Variants in RRM2 observed in about 807,000 individuals in gnomAD.
The protein encoded by RRM2 is ribonucleotide reductase regulatory subunit M2, also known as ribonucleoside-diphosphate reductase subunit M2.
RRM2 carries 6 observed loss-of-function variants against 45.9 expected under a neutral mutation model. The observed-to-expected ratio is 0.13, with a 90% CI of 0.07 to 0.26. The LOEUF (loss-of-function observed/expected upper bound fraction) is 0.26, where lower values mean the gene tolerates loss of function less well. Ranked by LOEUF, RRM2 falls within the 10% of genes least tolerant of loss-of-function variation. The pLI is 1.00. For synonymous variants in RRM2, 177 were observed against 173.0 expected (o/e 1.02, Z -0.18); for missense variants, 343 against 489.5 (o/e 0.70, Z 2.82).
At position 10,158,144 on chromosome 2, in the gene RRM2, C is replaced by T. The variant is rs539483150; in HGVS notation, n.482+15769C>T. ...AGATGGGATGGCTACCTTGATTTTA[C>T]GGATGAAAAAAATAACAAGGCTCAG... On this transcript the variant is annotated intron_variant and non_coding_transcript_variant, in intron 3 of 3. Coordinates refer to the RRM2 transcript ENST00000381786. Among the ~76,000 whole-genome samples, 98 of 152,064 alleles carry T rather than the reference C, an allele frequency of 6.4e-4. 1 individual carries two copies. In the South Asian group the frequency reaches 0.018, roughly 28 times the overall value.
At chr2:10,191,255 G>A (rs1203650406) in intron 3 of RRM2, among the ~76,000 whole-genome samples, 1 of 152,194 alleles carries the variant, frequency 6.6e-6, no homozygotes, top group African/African-American at 2.4e-5. Flanking sequence ...AGACTCTTGG[G>A]GCAGCGTGGC....
chr2:10,156,661 G>T (rs933005026), intron 3 of RRM2, among the ~76,000 whole-genome samples: 1 of 152,200 alleles, frequency 6.6e-6, no homozygotes, highest in African/African-American at 2.4e-5. Context: ...CTGATTGATT[G>T]GGACAGGGTC....
rs531626495 is a variant in RRM2, at chr2:10,166,380, G to A, written n.482+24005G>A. On this transcript the variant is annotated intron_variant and non_coding_transcript_variant, in intron 3 of 3. Transcript: ENST00000381786. ...CTGCTCGCACCCCAGGTTCCTGGTGGCCGATGCGCTTAGGTCAGCCGACTG... is the reference window on the plus strand; with the variant it reads ...CTGCTCGCACCCCAGGTTCCTGGTGACCGATGCGCTTAGGTCAGCCGACTG... Among the ~76,000 whole-genome samples the A allele has an allele frequency of 2.5e-3, 386 of 152,316 alleles. 2 individuals carry two copies. Among genetic ancestry groups the A allele is most frequent in the African/African-American group, 8.9e-3 (369 of 41,580 alleles).
chr2:10,168,905 C>T (rs1663735998), intron 3 of RRM2, among the ~76,000 whole-genome samples: 3 of 151,644 alleles, frequency 2.0e-5, no homozygotes, highest in Admixed American at 2.0e-4. Context: ...AAATGCTCAA[C>T]ACACACCCGT....
At chr2:10,145,529 T>TA (rs1352405744) in intron 3 of RRM2, 1 of 152,252 alleles carries the variant, frequency 6.6e-6, no homozygotes, top group Non-Finnish European at 1.5e-5. Context: ...GATCTGCAGT[T>TA]AGAACAACAC....
chr2:10,182,751 C>T (rs1461994916), intron 3 of RRM2, among the ~76,000 whole-genome samples: 1 of 152,220 alleles, frequency 6.6e-6, no homozygotes, highest in Non-Finnish European at 1.5e-5. Flanking sequence ...CAAGTCGCTC[C>T]TCTCCCTCCC....
At chr2:10,191,702 C>T (rs1490192517) in intron 3 of RRM2, among the ~76,000 whole-genome samples, 1 of 152,096 alleles carries the variant, frequency 6.6e-6, no homozygotes, top group Non-Finnish European at 1.5e-5. Context: ...TCACCCAGCC[C>T]TCCTGACCAG....
At position 10,129,576 on chromosome 2, in the gene RRM2, A is replaced by G. The variant is rs577803252; in HGVS notation, c.*190A>G. The G allele has an allele frequency of 1.9e-5, 12 of 627,528 alleles. No homozygotes were observed. The South Asian group carries it at 2.2e-4, about 12-fold the overall frequency. The allele number at this position is 627,528 out of a possible 1,614,324, so 38.9% of individuals were successfully genotyped here. A position where few individuals can be genotyped will look rare whatever the true frequency, so the allele number is the denominator to read the frequency against. On this transcript the variant is annotated 3_prime_UTR_variant, in exon 10 of 10. Transcript: ENST00000304567. This position sits in a 1 kb window ranked among gnomAD's most constrained non-coding sequence, Gnocchi z 4.8. ...AGTGCTGGTAGTATCACCTTTTGCC[A>G]GAAGGCCTGGCTGGCTGTGACTTAC...
intron 3 of RRM2, among the ~76,000 whole-genome samples, chr2:10,144,365 AGATGTTCACAT>A (rs1663147113): frequency 6.6e-6 from 1 of 152,224 alleles, no homozygotes; most frequent in South Asian, 2.1e-4. Flanking sequence ...TGTGCTGTGC[AGATGTTCACAT>A]GATGTGGTGG....
chr2:10,177,536 C>T (rs1479255040), intron 3 of RRM2, among the ~76,000 whole-genome samples: 1 of 152,110 alleles, frequency 6.6e-6, no homozygotes, highest in Non-Finnish European at 1.5e-5. Context: ...ATCTCCCTAG[C>T]TTCCTTTGCA....
At chr2:10,203,718 T>G (rs1664611954) in intron 3 of RRM2, among the ~76,000 whole-genome samples, 1 of 152,048 alleles carries the variant, frequency 6.6e-6, no homozygotes, top group African/African-American at 2.4e-5. Flanking sequence ...GCCATCGCAC[T>G]CCAGCCTGGG....
intron 3 of RRM2, among the ~76,000 whole-genome samples, chr2:10,208,106 T>C (rs1205285701): frequency 1.3e-5 from 2 of 152,002 alleles, no homozygotes; most frequent in Admixed American, 6.6e-5. Flanking sequence ...AAAGAAGGAA[T>C]TGGGAATTGG....
chr2:10,150,816 G>GC (rs1279897251), intron 3 of RRM2, among the ~76,000 whole-genome samples: 3 of 96,822 alleles, frequency 3.1e-5, no homozygotes, highest in African/African-American at 7.9e-5. Context: ...ACTTAGCATA[G>GC]TTTTTTTTTC....
rs7573110 is a variant in RRM2, at chr2:10,164,769, C to G, written n.482+22394C>G. Reference sequence around the variant, plus strand: ...GGCCCTGCAGGAGGTGCCCCCGTCACTTACAAGCCAGGGCCCCCACTGCCC... The same window carrying G: ...GGCCCTGCAGGAGGTGCCCCCGTCAGTTACAAGCCAGGGCCCCCACTGCCC... On this transcript the variant is annotated intron_variant and non_coding_transcript_variant, in intron 3 of 3. Transcript: ENST00000381786. Among the ~76,000 whole-genome samples the G allele has an allele frequency of 7.5e-3, 1,139 of 152,294 alleles. 13 individuals are homozygous for G. The highest frequency in any genetic ancestry group is 0.026 in the African/African-American group (1,086 of 41,562).
intron 3 of RRM2, among the ~76,000 whole-genome samples, chr2:10,200,880 C>G (rs1664556189): frequency 6.6e-6 from 1 of 152,188 alleles, no homozygotes; most frequent in South Asian, 2.1e-4. Flanking sequence ...GGTGCCATGG[C>G]TCACACCTGT....
At chr2:10,203,177 A>G (rs900949644) in intron 3 of RRM2, among the ~76,000 whole-genome samples, 1 of 152,208 alleles carries the variant, frequency 6.6e-6, no homozygotes, top group Non-Finnish European at 1.5e-5. Context: ...ACCAGGAAGC[A>G]GCTGTTTTCG....
exon 4 of RRM2, chr2:10,210,603 A>C (rs756908925): frequency 7.3e-7 from 1 of 1,362,314 alleles, no homozygotes; most frequent in Non-Finnish European, 9.8e-7. Context: ...CATAGACAGC[A>C]GATCTGCTGC....
chr2:10,161,626 A>T (rs929095399), intron 3 of RRM2, among the ~76,000 whole-genome samples: 1 of 152,144 alleles, frequency 6.6e-6, no homozygotes, highest in African/African-American at 2.4e-5. Context: ...GCATACTCAC[A>T]CATGCTCACT....
chr2:10,196,805 G>GGAGTGACTGATGCCAGGGCCTCA (rs1474217656), intron 3 of RRM2, among the ~76,000 whole-genome samples: 6 of 152,252 alleles, frequency 3.9e-5, no homozygotes, highest in African/African-American at 1.4e-4. Context: ...AGCCGGGACA[G>GGAGTGACTGATGCCAGGGCCTCA]GAGTGACTGA....
Sources: allele counts gnomAD v4.1 joint callset (sites outside exome capture counted in the v4.1 genomes callset), GRCh38; gene constraint gnomAD v4.1.1; non-coding constraint Gnocchi (gnomAD v3.1); transcripts MANE v1.5; gene names NCBI Gene and HGNC (gene_info 2026-07-23, HGNC 2026-07-21).